Variants in NEDD8 observed in about 807,000 individuals in gnomAD.
NEDD8 encodes ubiquitin-like protein NEDD8.
NEDD8 carries 1 observed loss-of-function variant against 13.8 expected under a neutral mutation model. The ratio of observed to expected loss-of-function variants is 0.07; its 90% confidence interval spans 0.03 to 0.34. The LOEUF is 0.34. NEDD8 is among the 10% of genes least tolerant of loss of function. The pLI is 0.99. For missense variants in NEDD8, 10 were observed against 95.2 expected, an observed-to-expected ratio of 0.10 and a Z score of 3.73; for synonymous variants, 31 against 33.2, an observed-to-expected ratio of 0.93 and a Z score of 0.23.
At chr14:24,224,208 C>T (rs1387563223) in intron 1 of NEDD8, among the ~76,000 whole-genome samples, 3 of 152,200 alleles carry the variant, frequency 2.0e-5, no homozygotes, top group Non-Finnish European at 2.9e-5. Flanking sequence ...GGATTACAGG[C>T]GTGAGCCACC....
Position 24,232,282 on chromosome 14 carries a change from G to A in NEDD8, c.-15C>T, listed in dbSNP as rs2040057991. ...TTAATTAGCATCTTCTTTCCAGTTT[G>A]GGGCTGCACACGGATAAATTGCTGC... On this transcript the variant is annotated 5_prime_UTR_variant, in exon 1 of 4. Coordinates refer to ENST00000250495, the MANE Select transcript of NEDD8 (RefSeq NM_006156.3). The A allele has an allele frequency of 6.2e-7, 1 of 1,613,742 alleles. No individual in the cohort carries two copies. Among genetic ancestry groups the A allele is most frequent in the Non-Finnish European group, 8.5e-7 (1 of 1,179,940 alleles).
At chr14:24,218,039 A>G in intron 3 of NEDD8, 94 bp downstream of exon 3, 1 of 1,535,482 alleles carries the variant, frequency 6.5e-7, no homozygotes, top group Non-Finnish European at 8.9e-7. Flanking sequence ...CACCAAAAAC[A>G]AGAGGCACCC....
chr14:24,225,143 G>A (rs1238559234), intron 1 of NEDD8, among the ~76,000 whole-genome samples: 1 of 141,990 alleles, frequency 7.0e-6, no homozygotes, highest in African/African-American at 2.6e-5. Context: ...CTGCACTCCA[G>A]CCTGGGTGAC....
At chr14:24,221,283 CTTTCT>C (rs1406911356) in intron 1 of NEDD8, among the ~76,000 whole-genome samples, 3 of 145,868 alleles carry the variant, frequency 2.1e-5, no homozygotes, top group African/African-American at 5.4e-5. Context: ...AATTATTTCA[CTTTCT>C]TTTTTTTTTT....
chr14:24,223,485 A>G (rs969609698), intron 1 of NEDD8, among the ~76,000 whole-genome samples: 1 of 152,238 alleles, frequency 6.6e-6, no homozygotes, highest in African/African-American at 2.4e-5. Flanking sequence ...ATAATTTACA[A>G]TAGAAAAAGT....
intron 1 of NEDD8, among the ~76,000 whole-genome samples, chr14:24,230,780 G>T (rs1427975020): frequency 6.6e-6 from 1 of 151,772 alleles, no homozygotes; most frequent in Non-Finnish European, 1.5e-5. Context: ...ACCACGCCCG[G>T]CTAGTTTTTG....
At position 24,216,958 on chromosome 14, in the gene NEDD8, CCT is replaced by C. The variant is rs1437392775; in HGVS notation, c.*167_*168del. On this transcript the variant is annotated 3_prime_UTR_variant, in exon 4 of 4. Coordinates refer to ENST00000250495, the MANE Select transcript of NEDD8 (RefSeq NM_006156.3). ...CTAACACCCAGTAGCCAGCAAGGGC[CCT>C]CTGGGCCAGGAATACTGAATCCTGG... 14 of 607,034 alleles carry C rather than the reference CCT, an allele frequency of 2.3e-5. No homozygotes were observed. In the East Asian group the frequency reaches 3.4e-4, roughly 15 times the overall value. The allele number at this position is 607,034 out of a possible 1,614,324, so 37.6% of individuals were successfully genotyped here.
At chr14:24,232,013 G>A (rs1340469433) in intron 1 of NEDD8, 2 of 589,998 alleles carry the variant, frequency 3.4e-6, no homozygotes, top group African/African-American at 1.9e-5. Flanking sequence ...TGATAGCACA[G>A]TCCTGGCAAA....
At chr14:24,231,380 T>A (rs1211785210) in intron 1 of NEDD8, among the ~76,000 whole-genome samples, 3 of 150,870 alleles carry the variant, frequency 2.0e-5, no homozygotes, top group South Asian at 2.1e-4. Flanking sequence ...GACTATTATG[T>A]ACGGTAAATA....
At position 24,229,567 on chromosome 14, in the gene NEDD8, G is replaced by T. The variant is rs140134759; in HGVS notation, c.18+2683C>A. ...CAGGTCTCAACCCATCAGTGGGCAG[G>T]TCTCAACCCATCAGTGGGTTATGAA... On this transcript the variant is annotated intron_variant, in intron 1 of 3. Coordinates refer to ENST00000250495, the MANE Select transcript of NEDD8 (RefSeq NM_006156.3). Among the ~76,000 whole-genome samples, 966 of 152,256 alleles carry T rather than the reference G, an allele frequency of 6.3e-3. 10 individuals are homozygous for T. Among genetic ancestry groups the T allele is most frequent in the African/African-American group, 0.022 (922 of 41,548 alleles).
At chr14:24,226,445 CAAA>C (rs34325177) in intron 1 of NEDD8, among the ~76,000 whole-genome samples, 9 of 109,290 alleles carry the variant, frequency 8.2e-5, no homozygotes, top group Admixed American at 9.1e-5. Context: ...GACTCCATCT[CAAA>C]AAAAAAAAAA....
chr14:24,218,105 C>CA, intron 3 of NEDD8, 28 bp downstream of exon 3: 2 of 1,613,638 alleles, frequency 1.2e-6, no homozygotes, highest in Non-Finnish European at 1.7e-6. Flanking sequence ...ATAAGATCGC[C>CA]ATGCTGTCAT....
At chr14:24,220,751 TTAAAAACACATC>T (rs2039794124) in intron 1 of NEDD8, among the ~76,000 whole-genome samples, 1 of 152,232 alleles carries the variant, frequency 6.6e-6, no homozygotes, top group Non-Finnish European at 1.5e-5. Context: ...AAGCCTTAGG[TTAAAAACACATC>T]TACGCAATCA....
intron 1 of NEDD8, among the ~76,000 whole-genome samples, chr14:24,223,096 A>AC (rs1228203131): frequency 6.7e-6 from 1 of 148,812 alleles, no homozygotes; most frequent in African/African-American, 2.6e-5. Flanking sequence ...AAAAAAAAAA[A>AC]AAAAAAAAAA....
chr14:24,221,326 G>A (rs1015335845), intron 1 of NEDD8, among the ~76,000 whole-genome samples: 4 of 148,854 alleles, frequency 2.7e-5, no homozygotes, highest in Admixed American at 6.7e-5. Flanking sequence ...AGTCTCACCC[G>A]GATGGAGTGC....
rs903973840 is a variant in NEDD8 at position 24,231,908 on chromosome 14, C to G, written c.18+342G>C. 2.0e-5 allele frequency: 6 copies of G among 307,682 alleles called. No individual in the cohort carries two copies. The South Asian group carries it at 3.7e-4, about 19-fold the overall frequency. 19.1% of individuals were successfully genotyped at this position (307,682 alleles called of 1,614,324 possible). On this transcript the variant is annotated intron_variant, in intron 1 of 3. Coordinates refer to ENST00000250495, the MANE Select transcript of NEDD8 (RefSeq NM_006156.3). The stretch of plus-strand genomic sequence containing the variant: ...GGAGAGCAGCGCTTACTCCAAGAAT[C>G]TGAGAGACGGGGGAGTCAAGCCGCT...
chr14:24,224,180 C>T (rs35130001), intron 1 of NEDD8, among the ~76,000 whole-genome samples: 1,971 of 152,354 alleles, frequency 0.013, 31 homozygotes, highest in Non-Finnish European at 0.021. Context: ...CCGCCCGCCT[C>T]GGCCTCCCAG....
rs1312940418 is a variant in NEDD8, at chr14:24,216,924, G to A, written c.*203C>T. On this transcript the variant is annotated 3_prime_UTR_variant, in exon 4 of 4. Transcript: ENST00000250495. Reference sequence around the variant, plus strand: ...AGTCATAAGAGAGGGAAGCACACAGGACTGCAAACTAACACCCAGTAGCCA... The same window carrying A: ...AGTCATAAGAGAGGGAAGCACACAGAACTGCAAACTAACACCCAGTAGCCA... 4 of 574,082 alleles carry A rather than the reference G, an allele frequency of 7.0e-6. No individual in the cohort carries two copies. In the South Asian group the frequency reaches 7.0e-5, roughly 10 times the overall value. 35.6% of individuals were successfully genotyped at this position (574,082 alleles called of 1,614,324 possible). A position where few individuals can be genotyped will look rare whatever the true frequency, so the allele number is the denominator to read the frequency against.
At chr14:24,228,100 A>G (rs1455772025) in intron 1 of NEDD8, 1 of 149,348 alleles carries the variant, frequency 6.7e-6, no homozygotes, top group African/African-American at 2.5e-5. Flanking sequence ...TCTCAAAACA[A>G]AAACAAAATG....
Sources: gnomAD v4.1 joint callset for allele counts (sites outside exome capture counted in the v4.1 genomes callset) on GRCh38, gnomAD v4.1.1 for gene constraint, MANE v1.5 for transcripts, NCBI Gene and HGNC (gene_info 2026-07-23, HGNC 2026-07-21) for gene names.